Variants in SAFB2 observed in about 807,000 individuals in gnomAD.
SAFB2 encodes the protein scaffold attachment factor B2.
In SAFB2, 32 loss-of-function variants were observed where a neutral mutation model predicts 100.6. The ratio of observed to expected loss-of-function variants is 0.32; its 90% CI spans 0.24 to 0.43. The LOEUF (loss-of-function observed/expected upper bound fraction) is 0.43. Ranked by LOEUF, SAFB2 falls within the 20% of genes least tolerant of loss-of-function variation. The pLI is 1.00. For synonymous variants in SAFB2, 500 were observed against 439.4 expected, an observed-to-expected ratio of 1.14 and a Z score of -1.72; for missense variants, 1,185 against 1,163.4, an observed-to-expected ratio of 1.02 and a Z score of -0.27.
rs770407006 is a variant in SAFB2, at chr19:5,590,245, T to C, written c.2525+33A>G. 5.3e-6 allele frequency: 8 copies of C among 1,498,730 alleles called. No individual in the cohort carries two copies. In the South Asian group the frequency reaches 7.7e-5, roughly 14 times the overall value. 92.8% of individuals were successfully genotyped at this position (1,498,730 alleles called of 1,614,324 possible). A position where few individuals can be genotyped will look rare whatever the true frequency, so the allele number is the denominator to read the frequency against. Reference sequence around the variant, plus strand: ...CAACCTTTTCCCAGGTTAGGACAGATGCTCCCCACCCGGCTGGGGCTCACC... The same window carrying C: ...CAACCTTTTCCCAGGTTAGGACAGACGCTCCCCACCCGGCTGGGGCTCACC... On this transcript the variant is annotated intron_variant, in intron 18 of 20. Coordinates refer to ENST00000252542, the MANE Select transcript of SAFB2 (RefSeq NM_014649.3).
chr19:5,600,378 G>C, intron 11 of SAFB2, 118 bp from the exon 12 acceptor site: 1 of 1,353,444 alleles, frequency 7.4e-7, no homozygotes, highest in Non-Finnish European at 1.0e-6. Context: ...CACCCCGGCA[G>C]CAATTAGGTG....
chr19:5,621,485 G>A, intron 1 of SAFB2, 89 bp from the exon 2 acceptor site: 1 of 885,602 alleles, frequency 1.1e-6, no homozygotes, highest in Non-Finnish European at 1.9e-6. Context: ...ATGAAACAAA[G>A]GCAAACCCGT....
Position 5,593,924 on chromosome 19 carries a change from C to CGCTCCT in SAFB2, c.2168_2173dup (p.Gln723_Glu724dup). 1.3e-6 allele frequency: 2 copies of CGCTCCT among 1,536,586 alleles called. No individual in the cohort carries two copies. Among genetic ancestry groups the CGCTCCT allele is most frequent in the South Asian group, 2.5e-5 (2 of 79,594 alleles). Reference sequence around the variant, plus strand: ...GTCGTAGGGCCTCCGCCCGGGCCGCCGCTCCTGCTCGTAACGCAGCTGCTC... The same window carrying CGCTCCT: ...GTCGTAGGGCCTCCGCCCGGGCCGCCGCTCCTGCTCCTGCTCGTAACGCAGCTGCTC... On this transcript the variant is annotated inframe_insertion, in exon 15 of 21. Transcript: ENST00000252542.
chr19:5,595,313 A>T, intron 14 of SAFB2, 48 bp downstream of exon 14: 1 of 1,584,628 alleles, frequency 6.3e-7, no homozygotes. Flanking sequence ...AAGGACAGCC[A>T]CCCCGAGAGG....
chr19:5,608,302 C>T (rs1369916320), intron 9 of SAFB2, among the ~76,000 whole-genome samples: 1 of 152,184 alleles, frequency 6.6e-6, no homozygotes, highest in Non-Finnish European at 1.5e-5. Context: ...TTCCTTAATA[C>T]GCTCATCACA....
rs2052578790 is a variant in SAFB2, at chr19:5,598,443, A to C, written c.1782+350T>G. On this transcript the variant is annotated intron_variant, in intron 13 of 20. Transcript: ENST00000252542. ...GGAGACTAAAAAACCAATGGAAGAA[A>C]GTAGCCTGCTATTAAGTCAACCAAA... The C allele has an allele frequency of 1.1e-5, 3 of 282,986 alleles. 1 individual carries two copies. Among genetic ancestry groups the C allele is most frequent in the South Asian group, 9.7e-5 (2 of 20,672 alleles). The allele number at this position is 282,986 out of a possible 1,614,324, so 17.5% of individuals were successfully genotyped here. A position where few individuals can be genotyped will look rare whatever the true frequency, so the allele number is the denominator to read the frequency against.
chr19:5,615,891 A>G (rs2053017081), intron 4 of SAFB2, among the ~76,000 whole-genome samples: 1 of 152,236 alleles, frequency 6.6e-6, no homozygotes, highest in Non-Finnish European at 1.5e-5. Context: ...AGAGCTTTCT[A>G]TTTTATGACT....
In SAFB2 at chr19:5,621,357, T is replaced by C. The variant is rs1054552330; in HGVS notation, c.226A>G (p.Ile76Val). The change falls in exon 2 of 21, where the codon ATC becomes GTC. Residue 76 changes from isoleucine to valine, a missense_variant. Coordinates refer to ENST00000252542, the MANE Select transcript of SAFB2 (RefSeq NM_014649.3). ...TTCTTGCTGGTGGCTTCTAACTCGA[T>C]GCCAATTTCATCAGGATCTTGCCCC... ...EEGQDPDEIG[I>V]ELEATSKKSA... is the part of the protein sequence containing the mutation. 2 of 1,613,814 alleles carry C rather than the reference T, an allele frequency of 1.2e-6. No individual in the cohort carries two copies. The highest frequency in any genetic ancestry group is 1.7e-6 in the Non-Finnish European group (2 of 1,179,772).
chr19:5,595,452 C>T lies in SAFB2; in HGVS notation c.1828G>A (p.Asp610Asn), dbSNP rs1436167605. The stretch of plus-strand genomic sequence containing the variant: ...TTGATTTTATCAAACGACAAGATGT[C>T]TCTCTTTTCTTTGCTTTCTGACTTG... ...DRKSESKEKR[D>N]ILSFDKIKEQ... Residue 610 changes from aspartate (D) to asparagine (N), a missense_variant, in exon 14 of 21, where the codon GAC (aspartate) becomes AAC (asparagine). Coordinates refer to ENST00000252542, the MANE Select transcript of SAFB2 (RefSeq NM_014649.3). 7 of 1,613,952 alleles carry T rather than the reference C, an allele frequency of 4.3e-6. No homozygotes were observed. The highest frequency in any genetic ancestry group is 5.9e-6 in the Non-Finnish European group (7 of 1,180,020).
intron 5 of SAFB2, 107 bp downstream of exon 5, chr19:5,613,358 A>C (rs1162422748): frequency 3.0e-6 from 3 of 1,008,806 alleles, no homozygotes; most frequent in Non-Finnish European, 4.5e-6. Flanking sequence ...CCCAGCATCC[A>C]GCACAGTATC....
Position 5,616,313 on chromosome 19 carries a change from T to G in SAFB2, c.362A>C (p.Glu121Ala). ...CATCATGCCCATATTCTGCAGGTTC[T>G]CCAGACTTGCTTCCATGTCCTCCTG... ...DGQEDMEASLENLQNMGMMDM... is the reference protein window; with the variant it reads ...DGQEDMEASLANLQNMGMMDM... Residue 121 changes from glutamate (E) to alanine (A), a missense_variant, in exon 4 of 21, where the codon GAG becomes GCG. By Grantham distance (107) the Glu-to-Ala change is moderately radical (BLOSUM62 -1). Around this residue, in one of 3 missense-constraint regions of SAFB2, gnomAD observed 351 missense variants for 341.2 expected, o/e 1.03. Coordinates refer to ENST00000252542, the MANE Select transcript of SAFB2 (RefSeq NM_014649.3). 6.2e-7 allele frequency: 1 copy of G among 1,614,220 alleles called. No individual in the cohort carries two copies. The highest frequency in any genetic ancestry group is 1.1e-5 in the South Asian group (1 of 91,084).
intron 12 of SAFB2, 136 bp downstream of exon 12, chr19:5,599,991 CTTG>C (rs1454634839): frequency 2.3e-6 from 2 of 872,030 alleles, no homozygotes; most frequent in African/African-American, 1.7e-5. Flanking sequence ...TCAACAGACT[CTTG>C]TTTCTTTAAC....
intron 9 of SAFB2, among the ~76,000 whole-genome samples, chr19:5,605,707 G>A (rs553889886): frequency 1.5e-4 from 23 of 152,148 alleles, no homozygotes; most frequent in Non-Finnish European, 2.8e-4. Context: ...TTGTCTTCCT[G>A]CCTGAAACAA....
chr19:5,589,753 G>A (rs1461887831), intron 18 of SAFB2, among the ~76,000 whole-genome samples: 3 of 152,172 alleles, frequency 2.0e-5, no homozygotes, highest in Admixed American at 1.3e-4. Flanking sequence ...AGGTGGCTTT[G>A]GACACCTGTG....
At chr19:5,597,239 A>G (rs1320434133) in intron 13 of SAFB2, among the ~76,000 whole-genome samples, 3 of 152,042 alleles carry the variant, frequency 2.0e-5, no homozygotes, top group Non-Finnish European at 4.4e-5. Context: ...CCCCTCCACA[A>G]CCTTTCTGAA....
In SAFB2 at chr19:5,622,739, C is replaced by T. The variant is rs200218755; in HGVS notation, c.-24G>A. On this transcript the variant is annotated 5_prime_UTR_variant, in exon 1 of 21. Transcript: ENST00000252542. ...ATCGTCGCGTTCCCGTCTTCGCCAC[C>T]GACTCAGTCGCACACCGCCGGCAGC... is the stretch of plus-strand genomic sequence containing the variant. 6.0e-5 allele frequency: 95 copies of T among 1,584,176 alleles called. 1 individual carries two copies. The African/African-American group carries it at 1.1e-3, about 19-fold the overall frequency.
chr19:5,608,387 G>A (rs543148667), intron 9 of SAFB2, among the ~76,000 whole-genome samples: 3 of 152,244 alleles, frequency 2.0e-5, no homozygotes, highest in South Asian at 4.1e-4. Context: ...CAGTGACCAC[G>A]TATGTTTACC....
chr19:5,605,844 G>A (rs139822338), intron 9 of SAFB2, among the ~76,000 whole-genome samples: 1 of 152,326 alleles, frequency 6.6e-6, no homozygotes, highest in African/African-American at 2.4e-5. Context: ...AGGCAATGGG[G>A]GATGGGTAAG....
Position 5,592,250 on chromosome 19 carries a change from C to T in SAFB2, c.2349-457G>A, listed in dbSNP as rs766911132. Among the ~76,000 whole-genome samples, 7 of 152,148 alleles carry T rather than the reference C, an allele frequency of 4.6e-5. No homozygotes were observed. In the East Asian group the frequency reaches 7.7e-4, roughly 17 times the overall value. On this transcript the variant is annotated intron_variant, in intron 16 of 20. Transcript: ENST00000252542. ...GGGAAATGGGTCAGAGATGTGCAGC[C>T]GAGGGGAGCCCAAAGACAGGATTCT...
Sources: gnomAD v4.1 joint callset for allele counts (sites outside exome capture counted in the v4.1 genomes callset) on GRCh38, gnomAD v4.1.1 for gene constraint, gnomAD v4.1.1 regional missense constraint, MANE v1.5 for transcripts, NCBI Gene and HGNC (gene_info 2026-07-23, HGNC 2026-07-21) for gene names.